Variants in EIF2AK1 observed in about 807,000 individuals in gnomAD.
EIF2AK1 encodes the protein eukaryotic translation initiation factor 2 alpha kinase 1, also known as eukaryotic translation initiation factor 2-alpha kinase 1.
A neutral mutation model predicts 77.9 loss-of-function variants in EIF2AK1; 54 were observed. That is an observed-to-expected ratio of 0.69 (90% CI 0.56 to 0.87). The LOEUF (loss-of-function observed/expected upper bound fraction) is 0.87, where lower values mean the gene tolerates loss of function less well. EIF2AK1 is among the 40% of genes least tolerant of loss of function. EIF2AK1 has a pLI of 0.00. For missense variants in EIF2AK1, 810 were observed against 768.6 expected (o/e 1.05, Z -0.64); for synonymous variants, 314 against 290.5 (o/e 1.08, Z -0.82).
chr7:6,023,563 G>T lies in EIF2AK1; in HGVS notation c.*1110C>A. On this transcript the variant is annotated 3_prime_UTR_variant, in exon 15 of 15. Coordinates refer to ENST00000199389, the MANE Select transcript of EIF2AK1 (RefSeq NM_014413.4). The stretch of plus-strand genomic sequence containing the variant: ...TGGGAATGAACTCACCGTAGCAGAC[G>T]TGGTGCTGTGGTCTGTACTCCAGCA... The T allele has an allele frequency of 3.1e-6, 5 of 1,614,238 alleles. No homozygotes were observed. The highest frequency in any genetic ancestry group is 4.2e-6 in the Non-Finnish European group (5 of 1,180,048).
intron 2 of EIF2AK1, among the ~76,000 whole-genome samples, chr7:6,050,479 G>C (rs1014809935): frequency 5.3e-5 from 8 of 152,128 alleles, no homozygotes; most frequent in Non-Finnish European, 1.2e-4. Flanking sequence ...ACAGGCATGA[G>C]CCACCAGGCC....
At chr7:6,057,362 C>T (rs1316213318) in intron 1 of EIF2AK1, 1 of 151,810 alleles carries the variant, frequency 6.6e-6, no homozygotes, top group Admixed American at 6.6e-5. Context: ...TATTTTTTCT[C>T]ATATGCTTTC....
chr7:6,037,247 T>C (rs1420250756), intron 11 of EIF2AK1, among the ~76,000 whole-genome samples, 177 bp downstream of exon 11: 1 of 151,644 alleles, frequency 6.6e-6, no homozygotes, highest in East Asian at 1.9e-4. Context: ...AAAAAAAAAT[T>C]CGACCTAATG....
At chr7:6,045,374 G>A (rs1200961265) in intron 6 of EIF2AK1, among the ~76,000 whole-genome samples, 1 of 152,074 alleles carries the variant, frequency 6.6e-6, no homozygotes, top group East Asian at 1.9e-4. Flanking sequence ...CCAAAGTGCT[G>A]GGATTACAGG....
intron 2 of EIF2AK1, among the ~76,000 whole-genome samples, chr7:6,050,909 TAC>T (rs1243188041): frequency 6.6e-6 from 1 of 152,036 alleles, no homozygotes; most frequent in African/African-American, 2.4e-5. Context: ...GGCCTATAAT[TAC>T]TTCTCTTACC....
chr7:6,030,495 C>T (rs1255408058), intron 11 of EIF2AK1, among the ~76,000 whole-genome samples: 1 of 151,988 alleles, frequency 6.6e-6, no homozygotes, highest in Non-Finnish European at 1.5e-5. Flanking sequence ...TCTCGCACTA[C>T]GAAAAAACTG....
intron 9 of EIF2AK1, among the ~76,000 whole-genome samples, chr7:6,040,617 AGT>A (rs764955461): frequency 1.6e-4 from 24 of 152,194 alleles, no homozygotes; most frequent in Non-Finnish European, 3.1e-4. Flanking sequence ...ACACAAACAG[AGT>A]GTGAGTGAGG....
rs755531680 is a variant in EIF2AK1 at position 6,055,982 on chromosome 7, CAAA to C, written c.119-1281_119-1279del. ...TGGGCAACAAAGTGAAACTCTGTCT[CAAA>C]AAAAAAAAAAAAAAAAAAAAAAACT... On this transcript the variant is annotated intron_variant, in intron 1 of 14. Coordinates refer to ENST00000199389, the MANE Select transcript of EIF2AK1 (RefSeq NM_014413.4). 1.1e-3 allele frequency among the ~76,000 whole-genome samples: 26 copies of C among 23,986 alleles called. No individual in the cohort carries two copies. The Admixed American group carries it at 0.013, about 12-fold the overall frequency. 15.7% of individuals were successfully genotyped at this position (23,986 alleles called of 152,430 possible). A position where few individuals can be genotyped will look rare whatever the true frequency, so the allele number is the denominator to read the frequency against.
chr7:6,056,270 G>A (rs1583502637), intron 1 of EIF2AK1, among the ~76,000 whole-genome samples: 1 of 133,446 alleles, frequency 7.5e-6, no homozygotes, highest in South Asian at 2.6e-4. Flanking sequence ...TCCAGCCCGG[G>A]CAACGGTGTG....
chr7:6,052,150 C>A (rs978573210), intron 2 of EIF2AK1, among the ~76,000 whole-genome samples: 1 of 129,524 alleles, frequency 7.7e-6, no homozygotes, highest in South Asian at 2.5e-4. Context: ...CCAGCCTGGG[C>A]GACAGAGCAA....
chr7:6,031,382 A>C (rs1288578266), intron 11 of EIF2AK1: 2 of 1,550,476 alleles, frequency 1.3e-6, no homozygotes, highest in African/African-American at 2.7e-5. Context: ...TCTCATGGGG[A>C]ATATAACCAG....
chr7:6,026,636 G>C (rs933554517), intron 14 of EIF2AK1, 92 bp downstream of exon 14: 1 of 999,716 alleles, frequency 1.0e-6, no homozygotes, highest in African/African-American at 1.6e-5. Context: ...TCCAGCCCCA[G>C]CCTCCGGGGG....
chr7:6,031,324 A>T, intron 11 of EIF2AK1: 1 of 1,497,526 alleles, frequency 6.7e-7, no homozygotes, highest in Non-Finnish European at 9.1e-7. Flanking sequence ...AAAGAGACTG[A>T]AACTGACCAA....
intron 7 of EIF2AK1, among the ~76,000 whole-genome samples, 200 bp from the exon 8 acceptor site, chr7:6,043,193 G>A (rs1409148707): frequency 6.6e-6 from 1 of 152,084 alleles, no homozygotes; most frequent in Admixed American, 6.6e-5. Context: ...CTATACGAGG[G>A]GTCAGCAAAC....
rs1445847598 is a variant in EIF2AK1 at position 6,035,664 on chromosome 7, G to C, written c.1332+1760C>G. ...ACCACTCCACCTGGCCATAGCATAT[G>C]GTTGCTATCCAGTTCTCTCCATTTT... On this transcript the variant is annotated intron_variant, in intron 11 of 14. Coordinates refer to ENST00000199389, the MANE Select transcript of EIF2AK1 (RefSeq NM_014413.4). The surrounding 1 kb of genome is among the most constrained non-coding windows in gnomAD (Gnocchi z 5.5). 6.4e-7 allele frequency: 1 copy of C among 1,550,638 alleles called. No homozygotes were observed. Among genetic ancestry groups the C allele is most frequent in the Admixed American group, 2.0e-5 (1 of 50,990 alleles).
chr7:6,055,806 C>A (rs543680123), intron 1 of EIF2AK1, among the ~76,000 whole-genome samples: 1 of 149,930 alleles, frequency 6.7e-6, no homozygotes, highest in East Asian at 2.0e-4. Flanking sequence ...CATGGAGAAA[C>A]CCTGTCTCTA....
Position 6,035,392 on chromosome 7 carries a change from G to C in EIF2AK1, c.1332+2032C>G. The C allele has an allele frequency of 2.0e-6, 3 of 1,482,238 alleles. No homozygotes were observed. Among genetic ancestry groups the C allele is most frequent in the Non-Finnish European group, 2.7e-6 (3 of 1,094,190 alleles). 91.8% of individuals were successfully genotyped at this position (1,482,238 alleles called of 1,614,324 possible). A position where few individuals can be genotyped will look rare whatever the true frequency, so the allele number is the denominator to read the frequency against. Reference sequence around the variant, plus strand: ...TTCTTAAGCATTAACTGTCCACGTAGAGCCGTTCCCACTGTGAATTCAGTG... The same window carrying C: ...TTCTTAAGCATTAACTGTCCACGTACAGCCGTTCCCACTGTGAATTCAGTG... On this transcript the variant is annotated intron_variant, in intron 11 of 14. Transcript: ENST00000199389. The surrounding 1 kb of genome is among the most constrained non-coding windows in gnomAD (Gnocchi z 5.5).
intron 9 of EIF2AK1, among the ~76,000 whole-genome samples, chr7:6,040,057 C>G (rs1244165436): frequency 6.6e-6 from 1 of 152,018 alleles, no homozygotes; most frequent in African/African-American, 2.4e-5. Context: ...TGTGTAGACC[C>G]TGACAATTTT....
chr7:6,050,985 C>T (rs762753784), intron 2 of EIF2AK1, among the ~76,000 whole-genome samples: 31 of 151,846 alleles, frequency 2.0e-4, no homozygotes, highest in East Asian at 7.7e-4. Context: ...AAAAAAAGGG[C>T]AAACAAAAAA....
Sources: gnomAD v4.1 joint callset for allele counts (sites outside exome capture counted in the v4.1 genomes callset) on GRCh38, gnomAD v4.1.1 for gene constraint, Gnocchi (gnomAD v3.1) non-coding constraint, MANE v1.5 for transcripts, NCBI Gene and HGNC (gene_info 2026-07-23, HGNC 2026-07-21) for gene names.